Variants in F13A1 observed in about 807,000 individuals in gnomAD.
F13A1 encodes the protein FSF, A subunit.
F13A1 carries 47 observed loss-of-function variants against 80.1 expected under a neutral mutation model. The ratio of observed to expected loss-of-function variants is 0.59; its 90% CI spans 0.46 to 0.75. F13A1 has a LOEUF of 0.75. Among genes scored for constraint, F13A1 ranks in the 30% least tolerant of loss-of-function variants. The pLI is 0.00. For synonymous variants in F13A1, 349 were observed against 344.9 expected, an observed-to-expected ratio of 1.01 and a Z score of -0.13; for missense variants, 817 against 930.4, an observed-to-expected ratio of 0.88 and a Z score of 1.59.
chr6:6,208,334 T>C (rs189144313), intron 8 of F13A1, among the ~76,000 whole-genome samples: 1 of 152,140 alleles, frequency 6.6e-6, no homozygotes, highest in East Asian at 1.9e-4. Flanking sequence ...ATTGAAATTA[T>C]CCAATTTGAA....
intron 3 of F13A1, among the ~76,000 whole-genome samples, chr6:6,284,311 A>C (rs1017189229): frequency 1.3e-5 from 2 of 152,266 alleles, no homozygotes; most frequent in East Asian, 3.8e-4. Context: ...GATGGAAATG[A>C]TGGAAGTGAA....
intron 12 of F13A1, among the ~76,000 whole-genome samples, chr6:6,174,321 C>T (rs1760835285): frequency 1.3e-5 from 2 of 151,982 alleles, no homozygotes; most frequent in Admixed American, 1.3e-4. Flanking sequence ...ACCCAGGAGG[C>T]AAAGGTTGCA....
At chr6:6,294,561 C>T (rs114769619) in intron 3 of F13A1, among the ~76,000 whole-genome samples, 1,710 of 150,598 alleles carry the variant, frequency 0.011, 14 homozygotes, top group Non-Finnish European at 0.018. Flanking sequence ...TATACACACA[C>T]GTATATGTAC....
intron 3 of F13A1, among the ~76,000 whole-genome samples, chr6:6,301,106 C>T (rs544053059): frequency 2.0e-5 from 3 of 152,310 alleles, no homozygotes; most frequent in African/African-American, 7.2e-5. Flanking sequence ...CTCATTATAG[C>T]AATTAGCCTT....
intron 8 of F13A1, among the ~76,000 whole-genome samples, chr6:6,213,254 A>C (rs1237014882): frequency 6.6e-6 from 1 of 151,440 alleles, no homozygotes; most frequent in Non-Finnish European, 1.5e-5. Context: ...GAAATGAAGG[A>C]AAAAATGTTA....
chr6:6,205,120 G>T (rs1345889512), intron 8 of F13A1, among the ~76,000 whole-genome samples: 1 of 152,182 alleles, frequency 6.6e-6, no homozygotes, highest in Non-Finnish European at 1.5e-5. Flanking sequence ...TGACCGCCAA[G>T]AAAAAAGAAG....
chr6:6,298,276 G>T (rs1406561783), intron 3 of F13A1, among the ~76,000 whole-genome samples: 3 of 147,628 alleles, frequency 2.0e-5, no homozygotes, highest in Non-Finnish European at 3.0e-5. Context: ...GCTTGGTGCA[G>T]AGCTGAGTTC....
intron 8 of F13A1, among the ~76,000 whole-genome samples, chr6:6,210,244 C>T (rs943907708): frequency 4.8e-5 from 7 of 144,356 alleles, no homozygotes; most frequent in Non-Finnish European, 1.1e-4. Context: ...AATAATAATA[C>T]ATAAATAAAA....
rs1561657036 is a variant in F13A1, at chr6:6,213,730, TG to T, written c.1112+8302del. The stretch of plus-strand genomic sequence containing the variant: ...AATGCTCCAATTAAAAGACACAGAC[TG>T]GCAAATTGGATAAAGAGTCAAGACC... On this transcript the variant is annotated intron_variant, in intron 8 of 14. Transcript: ENST00000264870. Among the ~76,000 whole-genome samples, 16 of 150,426 alleles carry T rather than the reference TG, an allele frequency of 1.1e-4. No individual in the cohort carries two copies. In the South Asian group the frequency reaches 3.4e-3, roughly 32 times the overall value.
chr6:6,224,381 A>C (rs3024398), intron 7 of F13A1, among the ~76,000 whole-genome samples: 5 of 152,162 alleles, frequency 3.3e-5, no homozygotes, highest in Non-Finnish European at 7.3e-5. Flanking sequence ...GTGGTGGCTG[A>C]AAAGAAAATG....
intron 6 of F13A1, among the ~76,000 whole-genome samples, chr6:6,230,589 C>T (rs1757337553): frequency 6.6e-6 from 1 of 152,186 alleles, no homozygotes; most frequent in African/African-American, 2.4e-5. Context: ...CATACTACCA[C>T]AGCTACTGCT....
intron 6 of F13A1, 86 bp downstream of exon 6, chr6:6,248,226 A>G: frequency 9.4e-7 from 1 of 1,066,782 alleles, no homozygotes; most frequent in Admixed American, 1.8e-5. Context: ...GTAAGTCATC[A>G]TTTCAGCAGC....
At chr6:6,304,860 C>CAAAAAAAAA (rs10719492) in intron 3 of F13A1, among the ~76,000 whole-genome samples, 11 of 103,240 alleles carry the variant, frequency 1.1e-4, no homozygotes, top group African/African-American at 3.2e-4. Flanking sequence ...GACTCTGTCT[C>CAAAAAAAAA]AAAAAAAAAA....
At chr6:6,285,819 G>T (rs1758132080) in intron 3 of F13A1, among the ~76,000 whole-genome samples, 1 of 146,612 alleles carries the variant, frequency 6.8e-6, no homozygotes, top group African/African-American at 2.5e-5. Flanking sequence ...ACCTGAAACT[G>T]GTGATCAGCA....
chr6:6,244,009 T>A (rs1465050278), intron 6 of F13A1, among the ~76,000 whole-genome samples: 5 of 152,226 alleles, frequency 3.3e-5, no homozygotes, highest in Non-Finnish European at 7.3e-5. Flanking sequence ...CACGCCGCAG[T>A]AATGCCAGGT....
chr6:6,189,697 G>A (rs1449111085), intron 10 of F13A1, among the ~76,000 whole-genome samples: 3 of 145,364 alleles, frequency 2.1e-5, no homozygotes, highest in African/African-American at 7.5e-5. Context: ...TGACAATTAT[G>A]TGTCTTGGAG....
intron 9 of F13A1, among the ~76,000 whole-genome samples, chr6:6,196,211 G>A (rs1180151958): frequency 1.3e-5 from 2 of 152,208 alleles, no homozygotes; most frequent in Non-Finnish European, 2.9e-5. Context: ...TGAAATGTTG[G>A]AAATGTTGAT....
chr6:6,294,131 G>A (rs549228609), intron 3 of F13A1, among the ~76,000 whole-genome samples: 36 of 152,202 alleles, frequency 2.4e-4, no homozygotes, highest in Middle Eastern at 3.4e-3. Flanking sequence ...TAAGTATATA[G>A]TGAGTGTGAT....
chr6:6,310,552 A>C (rs570162160), intron 2 of F13A1, among the ~76,000 whole-genome samples: 1 of 152,202 alleles, frequency 6.6e-6, no homozygotes, highest in Non-Finnish European at 1.5e-5. Context: ...AGAAGAGCAT[A>C]GTAAGAGCAT....
Sources: allele counts gnomAD v4.1 joint callset (sites outside exome capture counted in the v4.1 genomes callset), GRCh38; gene constraint gnomAD v4.1.1; transcripts MANE v1.5; gene names NCBI Gene and HGNC (gene_info 2026-07-23, HGNC 2026-07-21).